Variants in CCDC146 observed in about 807,000 individuals in gnomAD.
CCDC146 encodes coiled-coil domain-containing protein 146.
Under a neutral mutation model 119.3 loss-of-function variants are expected in CCDC146, and 92 were observed. That is an observed-to-expected ratio of 0.77 (90% CI 0.65 to 0.92). The LOEUF (loss-of-function observed/expected upper bound fraction) is 0.92. Ranked by LOEUF, CCDC146 falls within the 40% of genes least tolerant of loss-of-function variation. CCDC146 has a pLI of 0.00. For synonymous variants in CCDC146, 372 were observed against 371.8 expected (o/e 1.00, Z -0.01); for missense variants, 1,000 against 1,103.0 (o/e 0.91, Z 1.32).
At chr7:77,130,023 G>A (rs1276969368) in intron 1 of CCDC146, among the ~76,000 whole-genome samples, 3 of 151,772 alleles carry the variant, frequency 2.0e-5, no homozygotes, top group African/African-American at 7.3e-5. Flanking sequence ...CTGACTACTT[G>A]GATATACCAA....
chr7:77,242,451 C>T (rs1792868053), intron 4 of CCDC146: 4 of 920,016 alleles, frequency 4.3e-6, no homozygotes, highest in African/African-American at 1.8e-5. Context: ...TTGGAAGACA[C>T]ATTTACTTAT....
intron 2 of CCDC146, among the ~76,000 whole-genome samples, chr7:77,206,805 A>G (rs914785417): frequency 6.6e-6 from 1 of 151,604 alleles, no homozygotes; most frequent in Non-Finnish European, 1.5e-5. Flanking sequence ...TTAAATATAA[A>G]TTTAATAATA....
At chr7:77,200,030 A>G (rs949133158) in intron 2 of CCDC146, among the ~76,000 whole-genome samples, 1 of 152,260 alleles carries the variant, frequency 6.6e-6, no homozygotes, top group Non-Finnish European at 1.5e-5. Flanking sequence ...AAATGTACAC[A>G]GCCAACAAGA....
rs1790640028 is a variant in CCDC146 at position 77,122,707 on chromosome 7, A to C, written c.-37A>C. The C allele has an allele frequency of 5.7e-6, 1 of 174,142 alleles. No homozygotes were observed. Among genetic ancestry groups the C allele is most frequent in the South Asian group, 1.1e-4 (1 of 8,888 alleles). 10.8% of individuals were successfully genotyped at this position (174,142 alleles called of 1,614,324 possible). On this transcript the variant is annotated 5_prime_UTR_variant, in exon 1 of 19. Transcript: ENST00000285871. The stretch of plus-strand genomic sequence containing the variant: ...TCCCAAAGAGAAAAATAGGAGCCTA[A>C]ATAAGGATCAGGACCAAGGGAAGGG...
At chr7:77,181,698 G>A (rs1791592239) in intron 2 of CCDC146, among the ~76,000 whole-genome samples, 1 of 152,086 alleles carries the variant, frequency 6.6e-6, no homozygotes, top group Non-Finnish European at 1.5e-5. Context: ...AGGCCTTTGT[G>A]TACAACATAC....
intron 2 of CCDC146, among the ~76,000 whole-genome samples, chr7:77,234,418 C>T (rs749845408): frequency 1.3e-5 from 2 of 152,116 alleles, no homozygotes; most frequent in African/African-American, 4.8e-5. Flanking sequence ...AGTCGACTTA[C>T]CAACAGCAAC....
chr7:77,231,542 A>G (rs893612722), intron 2 of CCDC146, among the ~76,000 whole-genome samples: 1 of 151,932 alleles, frequency 6.6e-6, no homozygotes, highest in African/African-American at 2.4e-5. Context: ...CTGATCTACA[A>G]GTTTACCGAT....
At chr7:77,151,542 C>T (rs1791108765) in intron 1 of CCDC146, among the ~76,000 whole-genome samples, 1 of 152,050 alleles carries the variant, frequency 6.6e-6, no homozygotes, top group East Asian at 1.9e-4. Context: ...ACACAACTGT[C>T]AACGTTTGTA....
chr7:77,194,863 T>A (rs1791835916), intron 2 of CCDC146: 1 of 152,160 alleles, frequency 6.6e-6, no homozygotes, highest in Non-Finnish European at 1.5e-5. Context: ...AAAAGTCTTT[T>A]AAATATTATA....
intron 2 of CCDC146, among the ~76,000 whole-genome samples, chr7:77,208,686 A>G (rs934488484): frequency 1.3e-5 from 2 of 152,080 alleles, no homozygotes; most frequent in Non-Finnish European, 2.9e-5. Flanking sequence ...TTCCCTAACT[A>G]CTGCCACTCC....
chr7:77,270,573 T>G (rs1399172391), intron 9 of CCDC146, among the ~76,000 whole-genome samples: 10 of 152,204 alleles, frequency 6.6e-5, no homozygotes, highest in Non-Finnish European at 1.5e-4. Context: ...AACTCCAGCC[T>G]ATTTTCCAGA....
intron 18 of CCDC146, among the ~76,000 whole-genome samples, chr7:77,293,409 A>C (rs1180188674): frequency 6.6e-6 from 1 of 152,238 alleles, no homozygotes; most frequent in Non-Finnish European, 1.5e-5. Flanking sequence ...AACACTTAGC[A>C]AGCACAGGGC....
intron 15 of CCDC146, 35 bp from the exon 16 acceptor site, chr7:77,286,763 C>A (rs374560626): frequency 8.7e-6 from 14 of 1,605,354 alleles, no homozygotes; most frequent in Non-Finnish European, 1.2e-5. Context: ...TGAGCTAGAG[C>A]GTTCATTTTA....
chr7:77,173,031 T>C (rs1028635909), intron 2 of CCDC146, among the ~76,000 whole-genome samples: 2 of 151,792 alleles, frequency 1.3e-5, no homozygotes, highest in Non-Finnish European at 2.9e-5. Flanking sequence ...AATGTAGAGT[T>C]CCATTGAGAA....
chr7:77,211,203 C>T (rs1792175740), intron 2 of CCDC146, among the ~76,000 whole-genome samples: 1 of 152,162 alleles, frequency 6.6e-6, no homozygotes, highest in African/African-American at 2.4e-5. Context: ...TAGCGACTAT[C>T]CTAACTTTTA....
Position 77,201,503 on chromosome 7 carries a change from T to G in CCDC146, c.156+33679T>G, listed in dbSNP as rs563113635. Among the ~76,000 whole-genome samples, 4 of 151,140 alleles carry G rather than the reference T, an allele frequency of 2.6e-5. No individual in the cohort carries two copies. The East Asian group carries it at 7.8e-4, about 29-fold the overall frequency. Reference sequence around the variant, plus strand: ...CAGGAGGTGGAGGTTGCAGTGAGCCTAGATCGTACCACTGCACTCCAGCCT... The same window carrying G: ...CAGGAGGTGGAGGTTGCAGTGAGCCGAGATCGTACCACTGCACTCCAGCCT... On this transcript the variant is annotated intron_variant, in intron 2 of 18. Transcript: ENST00000285871.
chr7:77,256,282 A>G (rs774922786), intron 5 of CCDC146, 51 bp from the exon 6 acceptor site: 66 of 1,362,174 alleles, frequency 4.8e-5, no homozygotes, highest in Non-Finnish European at 6.4e-5. Context: ...TTTTAGGTAG[A>G]TAAATGTTTG....
chr7:77,199,882 C>G lies in CCDC146; in HGVS notation c.156+32058C>G, dbSNP rs1791954733. 12 of 1,464,996 alleles carry G rather than the reference C, an allele frequency of 8.2e-6. No individual in the cohort carries two copies. In the South Asian group the frequency reaches 1.3e-4, roughly 16 times the overall value. The allele number at this position is 1,464,996 out of a possible 1,614,324, so 90.7% of individuals were successfully genotyped here. A position where few individuals can be genotyped will look rare whatever the true frequency, so the allele number is the denominator to read the frequency against. ...CTGCCTGAGTCAGGCTTTCTGTGTT[C>G]CCAGGAAAGGGTGGGAGCGTTTGCA... On this transcript the variant is annotated intron_variant, in intron 2 of 18. Transcript: ENST00000285871.
intron 2 of CCDC146, among the ~76,000 whole-genome samples, chr7:77,213,055 A>G (rs1484404407): frequency 7.1e-6 from 1 of 141,400 alleles, no homozygotes; most frequent in Non-Finnish European, 1.5e-5. Flanking sequence ...TGTCACATGT[A>G]CATATTTATG....
Sources: allele counts gnomAD v4.1 joint callset (sites outside exome capture counted in the v4.1 genomes callset), GRCh38; gene constraint gnomAD v4.1.1; transcripts MANE v1.5; gene names NCBI Gene and HGNC (gene_info 2026-07-23, HGNC 2026-07-21).